FIZ1: variants seen among roughly 807,000 people sequenced by gnomAD.
FIZ1 encodes FLT3 interacting zinc finger 1, also known as flt3-interacting zinc finger protein 1.
Under a neutral mutation model 5.3 loss-of-function variants are expected in FIZ1, and 2 were observed. That is an observed-to-expected ratio of 0.37 (90% CI 0.15 to 1.18). The LOEUF is 1.18. Among genes scored for constraint, FIZ1 ranks in the 50% most tolerant of loss-of-function variants. The probability of loss-of-function intolerance (pLI) is 0.37; values close to 1 mark genes in which losing one functional copy is unlikely to be tolerated. For synonymous variants in FIZ1, 407 were observed against 364.2 expected (o/e 1.12, Z -1.34); for missense variants, 631 against 749.7 (o/e 0.84, Z 1.85).
rs1243107584 is a variant in FIZ1 at position 55,593,272 on chromosome 19, G to C, written c.669C>G (p.Thr223=). The C allele has an allele frequency of 1.0e-5, 13 of 1,273,390 alleles. No homozygotes were observed. The highest frequency in any genetic ancestry group is 1.2e-5 in the Non-Finnish European group (12 of 1,002,056). 78.9% of individuals were successfully genotyped at this position (1,273,390 alleles called of 1,614,324 possible). The change falls in exon 3 of 3, where the codon ACC becomes ACG. Residue 223 remains threonine (T), a synonymous_variant. Coordinates refer to ENST00000221665, the MANE Select transcript of FIZ1 (RefSeq NM_032836.3). This position sits in a 1 kb window ranked among gnomAD's most constrained non-coding sequence, Gnocchi z 6.3. ...RELAAHWAAH[T]DVKPFKCPRC... is the part of the protein sequence containing the mutation. ...GCGGGCACTTGAAGGGCTTCACGTC[G>C]GTGTGCGCCGCCCAGTGGGCCGCCA...
At position 55,592,745 on chromosome 19, in the gene FIZ1, G is replaced by A. The variant is rs748852809; in HGVS notation, c.1196C>T (p.Ala399Val). 3.7e-6 allele frequency: 6 copies of A among 1,610,016 alleles called. No homozygotes were observed. The South Asian group carries it at 6.6e-5, about 18-fold the overall frequency. Residue 399 changes from alanine (A) to valine (V), a missense_variant, in exon 3 of 3, where the codon GCG (alanine) becomes GTG (valine). Around this residue, in one of 4 missense-constraint regions of FIZ1, gnomAD observed 463 missense variants for 455.1 expected, o/e 1.02. Coordinates refer to ENST00000221665, the MANE Select transcript of FIZ1 (RefSeq NM_032836.3). This position sits in a 1 kb window ranked among gnomAD's most constrained non-coding sequence, Gnocchi z 6.9. ...GGAGCCAGACGGGGGTTCCCCGGAC[G>A]CCGGTTCCCTTTCCCGGGCGGCGGT... is the stretch of plus-strand genomic sequence containing the variant. ...AATAAREREPASGEPPSGSGR... is the reference protein window; with the variant it reads ...AATAAREREPVSGEPPSGSGR...
At position 55,593,116 on chromosome 19, in the gene FIZ1, GC is replaced by G; in HGVS notation, c.824del (p.Gly275AlafsTer215). 1 of 1,282,228 alleles carries G rather than the reference GC, an allele frequency of 7.8e-7. No individual in the cohort carries two copies. Among genetic ancestry groups the G allele is most frequent in the South Asian group, 1.8e-5 (1 of 54,232 alleles). The allele number at this position is 1,282,228 out of a possible 1,614,324, so 79.4% of individuals were successfully genotyped here. On this transcript the variant is annotated frameshift_variant, in exon 3 of 3. Coordinates refer to ENST00000221665, the MANE Select transcript of FIZ1 (RefSeq NM_032836.3). LOFTEE classifies it low-confidence loss of function (END_TRUNC). This position sits in a 1 kb window ranked among gnomAD's most constrained non-coding sequence, Gnocchi z 6.3. ...CGCCCGCCTCCGCAGCGGTGCCTTC[GC>G]CCGCCGTCTCGGGCCCTGCGCCTGG... Reference protein sequence around the residue: ...AGPGAGPETAGEGTAAEAGDA... With the variant: ...AGPGAGPETAXEGTAAEAGDA...
In FIZ1 at chr19:55,593,417, T is replaced by C. The variant is rs1454091112; in HGVS notation, c.524A>G (p.Glu175Gly). The change falls in exon 3 of 3, where the codon GAG becomes GGG. Residue 175 changes from glutamate (E) to glycine (G), a missense_variant. Transcript: ENST00000221665. This position sits in a 1 kb window ranked among gnomAD's most constrained non-coding sequence, Gnocchi z 6.3. ...GSGAGGGEGP[E>G]GAGAGLGSWG... ...GCTGCCCAGACCCGCGCCTGCCCCC[T>C]CGGGGCCCTCTCCGCCGCCGGCCCC... 1.1e-5 allele frequency: 17 copies of C among 1,502,116 alleles called. No individual in the cohort carries two copies. The Admixed American group carries it at 3.7e-4, about 33-fold the overall frequency. 93.0% of individuals were successfully genotyped at this position (1,502,116 alleles called of 1,614,324 possible). A position where few individuals can be genotyped will look rare whatever the true frequency, so the allele number is the denominator to read the frequency against.
At chr19:55,594,940 A>T (rs2123556132) in intron 2 of FIZ1, among the ~76,000 whole-genome samples, 1 of 152,298 alleles carries the variant, frequency 6.6e-6, no homozygotes, top group Middle Eastern at 3.4e-3. Context: ...CTTTTCACAC[A>T]TACAGATCCA....
In FIZ1 at chr19:55,596,224, C is replaced by G. The variant is rs543395391; in HGVS notation, c.294+1348G>C. ...GGTCACTCTGTGATAGATGCAGAGA[C>G]TGGATGTGAGGGAGAGAGACAGGAA... On this transcript the variant is annotated intron_variant, in intron 2 of 2. Coordinates refer to ENST00000221665, the MANE Select transcript of FIZ1 (RefSeq NM_032836.3). 2.0e-5 allele frequency among the ~76,000 whole-genome samples: 3 copies of G among 152,172 alleles called. 1 individual carries two copies. The highest frequency in any genetic ancestry group is 6.5e-5 in the Admixed American group (1 of 15,276).
chr19:55,593,731 CA>C lies in FIZ1; in HGVS notation c.295-86del. Reference sequence around the variant, plus strand: ...TTCCTGGACTCCCAGAGGGTTGTGGCACAAGCTCTCTGTCACACCTACAGGG... The same window carrying C: ...TTCCTGGACTCCCAGAGGGTTGTGGCCAAGCTCTCTGTCACACCTACAGGG... On this transcript the variant is annotated intron_variant, in intron 2 of 2. Transcript: ENST00000221665. The surrounding 1 kb of genome is among the most constrained non-coding windows in gnomAD (Gnocchi z 6.3). 1 of 1,253,782 alleles carries C rather than the reference CA, an allele frequency of 8.0e-7. No individual in the cohort carries two copies. 77.7% of individuals were successfully genotyped at this position (1,253,782 alleles called of 1,614,324 possible). A position where few individuals can be genotyped will look rare whatever the true frequency, so the allele number is the denominator to read the frequency against.
chr19:55,598,103 T>C (rs557755784), intron 1 of FIZ1: 6 of 622,522 alleles, frequency 9.6e-6, no homozygotes, highest in Non-Finnish European at 1.6e-5. Flanking sequence ...GGCAAAATCT[T>C]CCTAATCACT....
Position 55,593,772 on chromosome 19 carries a change from A to G in FIZ1, c.295-126T>C. On this transcript the variant is annotated intron_variant, in intron 2 of 2. Coordinates refer to ENST00000221665, the MANE Select transcript of FIZ1 (RefSeq NM_032836.3). The surrounding 1 kb of genome is among the most constrained non-coding windows in gnomAD (Gnocchi z 6.3). ...CACCTACAGGGCCATGATCTAGGGA[A>G]ACGCTCGTCCTATCACTCTCTGTTT... 1.2e-6 allele frequency: 1 copy of G among 838,588 alleles called. No homozygotes were observed. The highest frequency in any genetic ancestry group is 1.9e-6 in the Non-Finnish European group (1 of 524,440). 51.9% of individuals were successfully genotyped at this position (838,588 alleles called of 1,614,324 possible).
At position 55,592,540 on chromosome 19, in the gene FIZ1, C is replaced by T. The variant is rs982329569; in HGVS notation, c.1401G>A (p.Glu467=). The T allele has an allele frequency of 1.9e-6, 3 of 1,608,910 alleles. No individual in the cohort carries two copies. The highest frequency in any genetic ancestry group is 1.1e-5 in the South Asian group (1 of 90,430). The change falls in exon 3 of 3, where the codon GAG becomes GAA. Residue 467 remains glutamate (E), a synonymous_variant. Coordinates refer to ENST00000221665, the MANE Select transcript of FIZ1 (RefSeq NM_032836.3). The surrounding 1 kb of genome is among the most constrained non-coding windows in gnomAD (Gnocchi z 6.9). The part of the protein sequence containing the change: ...LKRHRLLHGT[E]RPFPCHICGK... ...CGCAGATGTGGCAAGGGAAGGGCCGCTCGGTGCCGTGCAGCAGCCGGTGGC... is the reference window on the plus strand; with the variant it reads ...CGCAGATGTGGCAAGGGAAGGGCCGTTCGGTGCCGTGCAGCAGCCGGTGGC...
chr19:55,598,829 A>C (rs1320079791), intron 1 of FIZ1: 1 of 152,160 alleles, frequency 6.6e-6, no homozygotes, highest in Non-Finnish European at 1.5e-5. Flanking sequence ...TCCTTTCCAC[A>C]TTCATTATAA....
chr19:55,596,380 T>A (rs1980327492), intron 2 of FIZ1, among the ~76,000 whole-genome samples: 1 of 152,200 alleles, frequency 6.6e-6, no homozygotes, highest in Non-Finnish European at 1.5e-5. Flanking sequence ...TTCTTCACCC[T>A]GGTTGTGCAA....
rs1980397103 is a variant in FIZ1 at position 55,597,783 on chromosome 19, C to T, written c.83G>A (p.Cys28Tyr). Residue 28 changes from cysteine to tyrosine, a missense_variant, in exon 2 of 3, where the codon TGT (cysteine) becomes TAT (tyrosine). Cys to Tyr is a radical substitution (Grantham distance 194). Around this residue, in one of 4 missense-constraint regions of FIZ1, gnomAD observed 68 missense variants for 163.4 expected, o/e 0.42. Coordinates refer to ENST00000221665, the MANE Select transcript of FIZ1 (RefSeq NM_032836.3). Reference protein sequence around the residue: ...APRVPFHCSECGKSFRYRSDL... With the variant: ...APRVPFHCSEYGKSFRYRSDL... ...TGAGCGGTAGCGGAAGCTCTTGCCA[C>T]ATTCACTGCAGTGAAACGGGACCCT... The T allele has an allele frequency of 1.2e-6, 2 of 1,613,822 alleles. No individual in the cohort carries two copies. The highest frequency in any genetic ancestry group is 1.7e-6 in the Non-Finnish European group (2 of 1,179,928).
In FIZ1 at chr19:55,592,657, G is replaced by T. The variant is rs1980065552; in HGVS notation, c.1284C>A (p.Asp428Glu). 2.5e-6 allele frequency: 4 copies of T among 1,613,416 alleles called. No individual in the cohort carries two copies. The highest frequency in any genetic ancestry group is 3.4e-6 in the Non-Finnish European group (4 of 1,179,888). The change falls in exon 3 of 3, where the codon GAC becomes GAA. Residue 428 changes from aspartate (D) to glutamate (E), a missense_variant. Asp to Glu is a conservative substitution (Grantham distance 45). Around this residue, in one of 4 missense-constraint regions of FIZ1, gnomAD observed 463 missense variants for 455.1 expected, o/e 1.02. Transcript: ENST00000221665. The surrounding 1 kb of genome is among the most constrained non-coding windows in gnomAD (Gnocchi z 6.9). ...ECEKLFRSPR[D>E]LERHVLVHTG... is the part of the protein sequence containing the mutation. ...TGTGCACCAGCACGTGCCGCTCCAG[G>T]TCTCGCGGTGAGCGGAACAGCTTCT...
In FIZ1 at chr19:55,593,550, G is replaced by A. The variant is rs944115050; in HGVS notation, c.391C>T (p.Arg131Cys). The A allele has an allele frequency of 3.9e-6, 6 of 1,550,960 alleles. No homozygotes were observed. In the African/African-American group the frequency reaches 5.5e-5, roughly 14 times the overall value. ...SLGRHLKRQHRGVLPSPLQPG... is the reference protein window; with the variant it reads ...SLGRHLKRQHCGVLPSPLQPG... ...TGCAGGGGAGAGGGGAGAACCCCAC[G>A]GTGCTGGCGCTTGAGGTGGCGGCCC... is the stretch of plus-strand genomic sequence containing the variant. Residue 131 changes from arginine (R) to cysteine (C), a missense_variant, in exon 3 of 3, where the codon CGT (arginine) becomes TGT (cysteine). This residue lies in a region of FIZ1 where 68 missense variants were observed against 163.4 expected (regional missense o/e 0.42). Coordinates refer to ENST00000221665, the MANE Select transcript of FIZ1 (RefSeq NM_032836.3). This position sits in a 1 kb window ranked among gnomAD's most constrained non-coding sequence, Gnocchi z 6.3.
Position 55,593,320 on chromosome 19 carries a change from C to T in FIZ1, c.621G>A (p.Arg207=). Reference sequence around the variant, plus strand: ...CCAGCTCGCGGCCGTGGTCGAAGCGCCGCGCGCAGGCGCCGCACGCAAATG... The same window carrying T: ...CCAGCTCGCGGCCGTGGTCGAAGCGTCGCGCGCAGGCGCCGCACGCAAATG... ...LPPFACGACA[R]RFDHGRELAA... Residue 207 remains arginine, a synonymous_variant, in exon 3 of 3, where the codon CGG becomes CGA. Transcript: ENST00000221665. The surrounding 1 kb of genome is among the most constrained non-coding windows in gnomAD (Gnocchi z 6.3). 7.9e-7 allele frequency: 1 copy of T among 1,272,602 alleles called. No homozygotes were observed. Among genetic ancestry groups the T allele is most frequent in the Non-Finnish European group, 9.9e-7 (1 of 1,008,436 alleles). The allele number at this position is 1,272,602 out of a possible 1,614,324, so 78.8% of individuals were successfully genotyped here. A position where few individuals can be genotyped will look rare whatever the true frequency, so the allele number is the denominator to read the frequency against.
At chr19:55,599,019 C>G (rs867326608) in intron 1 of FIZ1, 1 of 152,874 alleles carries the variant, frequency 6.5e-6, no homozygotes, top group Non-Finnish European at 1.5e-5. Context: ...TTCCTTCCAC[C>G]CCTCAATCCA....
At chr19:55,595,381 C>T (rs1980277691) in intron 2 of FIZ1, among the ~76,000 whole-genome samples, 1 of 152,162 alleles carries the variant, frequency 6.6e-6, no homozygotes, top group Non-Finnish European at 1.5e-5. Context: ...ATGCTGGTCC[C>T]AGGGCCCTTG....
Position 55,591,963 on chromosome 19 carries a change from T to G in FIZ1, c.*487A>C. ...TCACCAGTGACTCTGGTGGGTGGCATTTGGAGGGATCTAGGAAAATTCAGG... is the reference window on the plus strand; with the variant it reads ...TCACCAGTGACTCTGGTGGGTGGCAGTTGGAGGGATCTAGGAAAATTCAGG... On this transcript the variant is annotated 3_prime_UTR_variant, in exon 3 of 3. Coordinates refer to ENST00000221665, the MANE Select transcript of FIZ1 (RefSeq NM_032836.3). 6.4e-6 allele frequency: 1 copy of G among 156,036 alleles called. No individual in the cohort carries two copies. Among genetic ancestry groups the G allele is most frequent in the Non-Finnish European group, 1.4e-5 (1 of 70,544 alleles). The allele number at this position is 156,036 out of a possible 1,614,324, so 9.7% of individuals were successfully genotyped here.
Position 55,597,788 on chromosome 19 carries a change from A to G in FIZ1, c.78T>C (p.Ser26=). 6.2e-7 allele frequency: 1 copy of G among 1,613,622 alleles called. No individual in the cohort carries two copies. The highest frequency in any genetic ancestry group is 8.5e-7 in the Non-Finnish European group (1 of 1,179,870). Residue 26 remains serine (S), a synonymous_variant, in exon 2 of 3, where the codon AGT becomes AGC. Coordinates refer to ENST00000221665, the MANE Select transcript of FIZ1 (RefSeq NM_032836.3). ...GGTAGCGGAAGCTCTTGCCACATTC[A>G]CTGCAGTGAAACGGGACCCTGGGGG... ...AAAPRVPFHC[S]ECGKSFRYRS...
Sources: gnomAD v4.1 joint callset for allele counts (sites outside exome capture counted in the v4.1 genomes callset) on GRCh38, gnomAD v4.1.1 for gene constraint, gnomAD v4.1.1 regional missense constraint, Gnocchi (gnomAD v3.1) non-coding constraint, MANE v1.5 for transcripts, NCBI Gene and HGNC (gene_info 2026-07-23, HGNC 2026-07-21) for gene names.